SMPD4: variants seen among roughly 807,000 people sequenced by gnomAD.
SMPD4 encodes the protein sphingomyelin phosphodiesterase 4.
In SMPD4, 58 loss-of-function variants were observed where a neutral mutation model predicts 97.8. The observed-to-expected ratio is 0.59, with a 90% CI of 0.48 to 0.74. The LOEUF is 0.74. SMPD4 is among the 30% of genes least tolerant of loss of function. The probability of loss-of-function intolerance (pLI) is 0.00; values close to 1 mark genes in which losing one functional copy is unlikely to be tolerated. For synonymous variants in SMPD4, 388 were observed against 450.0 expected (o/e 0.86, Z 1.74); for missense variants, 853 against 1,080.5 (o/e 0.79, Z 2.95).
rs747181031 is a variant in SMPD4, at chr2:130,153,943, G to A, written c.1660-8C>T. The A allele has an allele frequency of 2.5e-6, 4 of 1,611,238 alleles. No individual in the cohort carries two copies. Among genetic ancestry groups the A allele is most frequent in the Non-Finnish European group, 3.4e-6 (4 of 1,178,808 alleles). ...CTGAGCGAGGCGCAGGACCTGCAAG[G>A]GAGGCGCGGGCAGGTCACCAGCAGG... On this transcript the variant is annotated splice_region_variant and splice_polypyrimidine_tract_variant and intron_variant, in intron 16 of 19. Coordinates refer to ENST00000680298, the MANE Select transcript of SMPD4 (RefSeq NM_017951.5).
chr2:130,180,935 C>T (rs562727140), intron 1 of SMPD4, among the ~76,000 whole-genome samples: 1 of 152,316 alleles, frequency 6.6e-6, no homozygotes, highest in South Asian at 2.1e-4. Context: ...CACTTCATGG[C>T]GACTCTCCAA....
chr2:130,181,543 A>G lies in SMPD4; in HGVS notation c.-59T>C. 2 of 1,605,524 alleles carry G rather than the reference A, an allele frequency of 1.2e-6. No homozygotes were observed. Among genetic ancestry groups the G allele is most frequent in the South Asian group, 1.1e-5 (1 of 89,728 alleles). On this transcript the variant is annotated 5_prime_UTR_variant, in exon 1 of 20. Coordinates refer to ENST00000680298, the MANE Select transcript of SMPD4 (RefSeq NM_017951.5). ...CGCGCCACTCACCTGTGGGATCCATAGCGTCGCTCGCCTCAGAGATGGAAG... is the reference window on the plus strand; with the variant it reads ...CGCGCCACTCACCTGTGGGATCCATGGCGTCGCTCGCCTCAGAGATGGAAG...
chr2:130,164,874 G>A (rs574773005), intron 9 of SMPD4, among the ~76,000 whole-genome samples: 3 of 152,196 alleles, frequency 2.0e-5, no homozygotes, highest in East Asian at 3.9e-4. Flanking sequence ...GGGAGGCCGA[G>A]GTGGGTGGGA....
rs144610945 is a variant in SMPD4, at chr2:130,155,198, G to A, written c.1351C>T (p.Arg451Cys). ...YTKLFVGFLNRALRTDLVSPK... is the reference protein window; with the variant it reads ...YTKLFVGFLNCALRTDLVSPK... ...CTGACCAGGTCTGTGCGGAGCGCGC[G>A]GTTCAGAAAGCCCACAAACAACTTG... The change falls in exon 15 of 20, where the codon CGC becomes TGC. Residue 451 changes from arginine (R) to cysteine (C), a missense_variant. By Grantham distance (180) the Arg-to-Cys change is radical. Coordinates refer to ENST00000680298, the MANE Select transcript of SMPD4 (RefSeq NM_017951.5). The A allele has an allele frequency of 7.4e-6, 12 of 1,614,154 alleles. No individual in the cohort carries two copies. The highest frequency in any genetic ancestry group is 4.5e-5 in the East Asian group (2 of 44,870).
chr2:130,157,485 C>T (rs1686931433), intron 11 of SMPD4, 89 bp from the exon 12 acceptor site: 3 of 1,565,564 alleles, frequency 1.9e-6, no homozygotes, highest in Admixed American at 1.8e-5. Flanking sequence ...CCGCCCTGAG[C>T]CAGTTGCTCT....
chr2:130,161,165 A>G, intron 11 of SMPD4, 21 bp downstream of exon 11: 1 of 1,609,750 alleles, frequency 6.2e-7, no homozygotes, highest in Non-Finnish European at 8.5e-7. Context: ...GGCAGGAGGA[A>G]GGGAACGAAT....
chr2:130,164,993 C>A (rs1363976052), intron 9 of SMPD4, among the ~76,000 whole-genome samples: 1 of 150,828 alleles, frequency 6.6e-6, no homozygotes, highest in Non-Finnish European at 1.5e-5. Context: ...ACCTATAATC[C>A]CAGCGACTTG....
chr2:130,176,910 C>T (rs1254850890), intron 1 of SMPD4, among the ~76,000 whole-genome samples: 1 of 152,138 alleles, frequency 6.6e-6, no homozygotes, highest in Admixed American at 6.5e-5. Context: ...CTGTGATGCC[C>T]AGGATCCTGG....
intron 3 of SMPD4, among the ~76,000 whole-genome samples, chr2:130,174,086 T>C (rs1015536290): frequency 5.3e-5 from 8 of 152,210 alleles, no homozygotes; most frequent in African/African-American, 1.2e-4. Context: ...AGTGGCGCAA[T>C]TATGGCTCAC....
intron 1 of SMPD4, among the ~76,000 whole-genome samples, chr2:130,178,620 C>T (rs1360187014): frequency 6.6e-6 from 1 of 151,974 alleles, no homozygotes; most frequent in Non-Finnish European, 1.5e-5. Context: ...CGTGGCAAAA[C>T]CCCATCTCTA....
chr2:130,161,083 G>C lies in SMPD4; in HGVS notation c.951+103C>G. ...CGACACAGGGGCTTCGTTCTGCTTGGAACTAGCCTCTGAGTCACCAGCGGC... is the reference window on the plus strand; with the variant it reads ...CGACACAGGGGCTTCGTTCTGCTTGCAACTAGCCTCTGAGTCACCAGCGGC... On this transcript the variant is annotated intron_variant, in intron 11 of 19. Coordinates refer to ENST00000680298, the MANE Select transcript of SMPD4 (RefSeq NM_017951.5). 1.9e-5 allele frequency: 22 copies of C among 1,131,842 alleles called. No homozygotes were observed. In the South Asian group the frequency reaches 2.7e-4, roughly 14 times the overall value. The allele number at this position is 1,131,842 out of a possible 1,614,324, so 70.1% of individuals were successfully genotyped here. A position where few individuals can be genotyped will look rare whatever the true frequency, so the allele number is the denominator to read the frequency against.
intron 1 of SMPD4, among the ~76,000 whole-genome samples, chr2:130,180,031 TGGGCTCACTGCAAGCTCCGCCTCCCG>T (rs1410265865): frequency 6.7e-6 from 1 of 149,566 alleles, no homozygotes; most frequent in African/African-American, 2.5e-5. Flanking sequence ...TGGCGCGATC[TGGGCTCACTGCAAGCTCCGCCTCCCG>T]GGTTCACGCC....
chr2:130,164,466 G>T (rs1687732777), intron 9 of SMPD4, 21 bp from the exon 10 acceptor site: 1 of 1,608,764 alleles, frequency 6.2e-7, no homozygotes. Flanking sequence ...GCATTAGCTA[G>T]TCAAACCATT....
In SMPD4 at chr2:130,153,444, C is replaced by T. The variant is rs769951028; in HGVS notation, c.1900G>A (p.Glu634Lys). 1.1e-5 allele frequency: 17 copies of T among 1,613,688 alleles called. No homozygotes were observed. The highest frequency in any genetic ancestry group is 3.3e-5 in the Admixed American group (2 of 60,006). ...AGTGTGAACTGCCTGAGCTGCGCTT[C>T]GCTGAGCTGCCAGAGAGAAATGCCA... Reference protein sequence around the residue: ...EYLRQIFRLSEAQLRQFTLAL... With the variant: ...EYLRQIFRLSKAQLRQFTLAL... The change falls in exon 18 of 20, where the codon GAA becomes AAA. Residue 634 changes from glutamate (E) to lysine (K), a missense_variant. Around this residue, in one of 3 missense-constraint regions of SMPD4, gnomAD observed 511 missense variants for 608.1 expected, o/e 0.84. Coordinates refer to ENST00000680298, the MANE Select transcript of SMPD4 (RefSeq NM_017951.5).
chr2:130,166,961 C>T (rs1466074577), intron 9 of SMPD4, among the ~76,000 whole-genome samples: 1 of 152,216 alleles, frequency 6.6e-6, no homozygotes, highest in Non-Finnish European at 1.5e-5. Flanking sequence ...ATGAAAAACG[C>T]CATCAATGAC....
At chr2:130,171,618 TC>T (rs1688474491) in intron 8 of SMPD4, among the ~76,000 whole-genome samples, 1 of 152,060 alleles carries the variant, frequency 6.6e-6, no homozygotes, top group African/African-American at 2.4e-5. Context: ...ACTCCCTTTC[TC>T]CCCTCCACCC....
intron 11 of SMPD4, 42 bp downstream of exon 11, chr2:130,161,144 C>T: frequency 6.3e-7 from 1 of 1,593,232 alleles, no homozygotes. Flanking sequence ...CAGGCATGGA[C>T]ATGCACTCTG....
At chr2:130,157,559 C>T (rs1686939642) in intron 11 of SMPD4, 163 bp from the exon 12 acceptor site, 2 of 1,384,534 alleles carry the variant, frequency 1.4e-6, no homozygotes, top group East Asian at 2.5e-5. Flanking sequence ...CACCACTGTG[C>T]CTGGCACCCA....
chr2:130,165,426 C>CAAAAAAA (rs113282615), intron 9 of SMPD4, among the ~76,000 whole-genome samples: 1 of 138,612 alleles, frequency 7.2e-6, no homozygotes, highest in Admixed American at 7.2e-5. Context: ...AACTCGGTCT[C>CAAAAAAA]AAAAAAAAAA....
Sources: gnomAD v4.1 joint callset for allele counts (sites outside exome capture counted in the v4.1 genomes callset) on GRCh38, gnomAD v4.1.1 for gene constraint, gnomAD v4.1.1 regional missense constraint, MANE v1.5 for transcripts, NCBI Gene and HGNC (gene_info 2026-07-23, HGNC 2026-07-21) for gene names.